FGFR1OP2: variants seen among roughly 807,000 people sequenced by gnomAD.
FGFR1OP2 encodes fibroblast growth factor receptor 1 oncogene partner 2.
In FGFR1OP2, 17 loss-of-function variants were observed where a neutral mutation model predicts 35.2. The ratio of observed to expected loss-of-function variants is 0.48; its 90% CI spans 0.33 to 0.73. The LOEUF (loss-of-function observed/expected upper bound fraction) is 0.73, where lower values mean the gene tolerates loss of function less well. FGFR1OP2 is among the 30% of genes least tolerant of loss of function. The probability of loss-of-function intolerance (pLI) is 0.02; values close to 1 mark genes in which losing one functional copy is unlikely to be tolerated. For synonymous variants in FGFR1OP2, 105 were observed against 104.6 expected (o/e 1.00, Z -0.03); for missense variants, 251 against 307.3 (o/e 0.82, Z 1.37).
chr12:26,952,472 G>A (rs1362567211), intron 1 of FGFR1OP2, among the ~76,000 whole-genome samples: 2 of 151,972 alleles, frequency 1.3e-5, no homozygotes, highest in Non-Finnish European at 2.9e-5. Context: ...ATCTTGTGGT[G>A]GTTTTCTCTA....
chr12:26,943,739 C>A (rs564514265), intron 1 of FGFR1OP2, among the ~76,000 whole-genome samples: 13 of 152,110 alleles, frequency 8.5e-5, no homozygotes, highest in Non-Finnish European at 1.8e-4. Context: ...GCAAGAGAAT[C>A]GCTTGAACCC....
chr12:26,963,282 A>T, intron 5 of FGFR1OP2, 60 bp from the exon 6 acceptor site: 1 of 1,067,736 alleles, frequency 9.4e-7, no homozygotes, highest in Non-Finnish European at 1.4e-6. Flanking sequence ...TATAAAAAGG[A>T]GAGGATCCAA....
At chr12:26,964,543 T>A (rs1286283854) in intron 6 of FGFR1OP2, 53 bp from the exon 7 acceptor site, 1 of 1,578,714 alleles carries the variant, frequency 6.3e-7, no homozygotes, top group East Asian at 2.3e-5. Context: ...GTTTGTGATG[T>A]TGTAGCTACC....
chr12:26,946,378 G>T (rs918903599), intron 1 of FGFR1OP2, among the ~76,000 whole-genome samples: 2 of 152,072 alleles, frequency 1.3e-5, no homozygotes, highest in African/African-American at 4.8e-5. Flanking sequence ...TGGCGTGATT[G>T]TGGCTCACTG....
chr12:26,961,461 C>T (rs1939104435), intron 5 of FGFR1OP2: 1 of 152,116 alleles, frequency 6.6e-6, no homozygotes, highest in Non-Finnish European at 1.5e-5. Context: ...GAAATGCTTG[C>T]TTCAGCTAGG....
At chr12:26,951,498 T>G (rs1414472880) in intron 1 of FGFR1OP2, among the ~76,000 whole-genome samples, 1 of 152,124 alleles carries the variant, frequency 6.6e-6, no homozygotes, top group Non-Finnish European at 1.5e-5. Context: ...TTTTGTATTT[T>G]TAGTAGAGAC....
At chr12:26,946,546 A>G (rs1481948532) in intron 1 of FGFR1OP2, among the ~76,000 whole-genome samples, 1 of 152,168 alleles carries the variant, frequency 6.6e-6, no homozygotes, top group Non-Finnish European at 1.5e-5. Context: ...CCCTGGCTTC[A>G]TGATCTGCCA....
chr12:26,940,623 TTAAAC>T (rs1424659130), intron 1 of FGFR1OP2, among the ~76,000 whole-genome samples: 1 of 152,162 alleles, frequency 6.6e-6, no homozygotes, highest in Non-Finnish European at 1.5e-5. Context: ...ATGAAAAAAT[TTAAAC>T]TAGATTGTTG....
intron 1 of FGFR1OP2, among the ~76,000 whole-genome samples, chr12:26,950,069 A>T (rs181569369): frequency 1.3e-5 from 2 of 152,150 alleles, no homozygotes; most frequent in African/African-American, 4.8e-5. Flanking sequence ...AGGCTTTTGC[A>T]TAAGGACATT....
chr12:26,941,340 A>G (rs1333146631), intron 1 of FGFR1OP2, among the ~76,000 whole-genome samples: 3 of 152,330 alleles, frequency 2.0e-5, no homozygotes, highest in South Asian at 4.1e-4. Flanking sequence ...GGGAAGCACA[A>G]TGGTCTTCAA....
In FGFR1OP2 at chr12:26,966,224, A is replaced by C. The variant is rs1397816668; in HGVS notation, c.*1491A>C. On this transcript the variant is annotated 3_prime_UTR_variant, in exon 7 of 7. Transcript: ENST00000229395. The stretch of plus-strand genomic sequence containing the variant: ...TTTTTTCAGTCAGAGGCCTTATTTG[A>C]TATTTTATAAATAAATGACAGTTTT... 1 of 152,066 alleles carries C rather than the reference A, an allele frequency of 6.6e-6. No individual in the cohort carries two copies. Among genetic ancestry groups the C allele is most frequent in the African/African-American group, 2.4e-5 (1 of 41,434 alleles). The allele number at this position is 152,066 out of a possible 1,614,324, so 9.4% of individuals were successfully genotyped here. A position where few individuals can be genotyped will look rare whatever the true frequency, so the allele number is the denominator to read the frequency against.
At chr12:26,955,995 A>C (rs945274099) in intron 2 of FGFR1OP2, among the ~76,000 whole-genome samples, 1 of 152,044 alleles carries the variant, frequency 6.6e-6, no homozygotes, top group Non-Finnish European at 1.5e-5. Context: ...ACAAATTCAC[A>C]AACTTTCTTA....
intron 1 of FGFR1OP2, among the ~76,000 whole-genome samples, chr12:26,945,169 T>C (rs1938799855): frequency 6.6e-6 from 1 of 152,068 alleles, no homozygotes; most frequent in Non-Finnish European, 1.5e-5. Context: ...AGGACTGGCT[T>C]TTTATTTCAT....
chr12:26,963,321 A>G (rs1939130609), intron 5 of FGFR1OP2, 21 bp from the exon 6 acceptor site: 6 of 1,528,294 alleles, frequency 3.9e-6, no homozygotes, highest in Non-Finnish European at 4.5e-6. Flanking sequence ...CTGATTTCCA[A>G]CTCCCATCCC....
chr12:26,964,485 C>A, intron 6 of FGFR1OP2, 111 bp from the exon 7 acceptor site: 2 of 1,176,148 alleles, frequency 1.7e-6, no homozygotes, highest in South Asian at 1.5e-5. Context: ...CAATTACAGA[C>A]CTTGCTTGTT....
intron 1 of FGFR1OP2, among the ~76,000 whole-genome samples, chr12:26,942,181 C>T (rs981938294): frequency 6.6e-6 from 1 of 152,028 alleles, no homozygotes; most frequent in African/African-American, 2.4e-5. Context: ...TACAGGCGTG[C>T]GCCACCACAC....
At position 26,964,862 on chromosome 12, in the gene FGFR1OP2, A is replaced by G. The variant is rs1011203438; in HGVS notation, c.*129A>G. The stretch of plus-strand genomic sequence containing the variant: ...ATGTACAGTGCACGGGCTATGAGAT[A>G]GCAACAAAAAATGCATAGTTAATGG... On this transcript the variant is annotated 3_prime_UTR_variant, in exon 7 of 7. Transcript: ENST00000229395. 5 of 923,622 alleles carry G rather than the reference A, an allele frequency of 5.4e-6. No homozygotes were observed. In the African/African-American group the frequency reaches 8.3e-5, roughly 15 times the overall value. 57.2% of individuals were successfully genotyped at this position (923,622 alleles called of 1,614,324 possible). A position where few individuals can be genotyped will look rare whatever the true frequency, so the allele number is the denominator to read the frequency against.
intron 1 of FGFR1OP2, among the ~76,000 whole-genome samples, chr12:26,939,819 A>G (rs1206628370): frequency 1.3e-5 from 2 of 152,236 alleles, no homozygotes; most frequent in African/African-American, 4.8e-5. Context: ...ATTTATATAT[A>G]CATATGTATG....
Position 26,965,883 on chromosome 12 carries a change from T to A in FGFR1OP2, c.*1150T>A, listed in dbSNP as rs1287026424. Reference sequence around the variant, plus strand: ...CCAGATACAGAAATGTGCTTTAACATCAGTTGAAACCTAAATTTTCTTATG... The same window carrying A: ...CCAGATACAGAAATGTGCTTTAACAACAGTTGAAACCTAAATTTTCTTATG... On this transcript the variant is annotated 3_prime_UTR_variant, in exon 7 of 7. Coordinates refer to ENST00000229395, the MANE Select transcript of FGFR1OP2 (RefSeq NM_015633.3). 1.3e-5 allele frequency: 2 copies of A among 152,046 alleles called. No homozygotes were observed. The highest frequency in any genetic ancestry group is 1.3e-4 in the Admixed American group (2 of 15,272). 9.4% of individuals were successfully genotyped at this position (152,046 alleles called of 1,614,324 possible). A position where few individuals can be genotyped will look rare whatever the true frequency, so the allele number is the denominator to read the frequency against.
Sources: gnomAD v4.1 joint callset for allele counts (sites outside exome capture counted in the v4.1 genomes callset) on GRCh38, gnomAD v4.1.1 for gene constraint, MANE v1.5 for transcripts, NCBI Gene and HGNC (gene_info 2026-07-23, HGNC 2026-07-21) for gene names.